The following CAP2 variants were observed in gnomAD, a reference collection of about 807,000 sequenced individuals.
CAP2 encodes cyclase associated actin cytoskeleton regulatory protein 2.
CAP2 carries 24 observed loss-of-function variants against 57.7 expected under a neutral mutation model. The ratio of observed to expected loss-of-function variants is 0.42; its 90% CI spans 0.30 to 0.58. The LOEUF (loss-of-function observed/expected upper bound fraction) is 0.58, where lower values mean the gene tolerates loss of function less well. Among genes scored for constraint, CAP2 ranks in the 20% least tolerant of loss-of-function variants. The pLI, the probability that CAP2 is intolerant of heterozygous loss-of-function variation, is 0.22. For missense variants in CAP2, 501 were observed against 590.3 expected (o/e 0.85, Z 1.57); for synonymous variants, 194 against 207.2 (o/e 0.94, Z 0.55).
At chr6:17,461,328 A>G (rs1293320343) in intron 3 of CAP2, among the ~76,000 whole-genome samples, 2 of 151,866 alleles carry the variant, frequency 1.3e-5, no homozygotes, top group Non-Finnish European at 2.9e-5. Context: ...CCAAGTTCAC[A>G]TGATTCTCCT....
intron 7 of CAP2, among the ~76,000 whole-genome samples, chr6:17,537,318 C>T (rs995635047): frequency 6.6e-6 from 1 of 152,078 alleles, no homozygotes; most frequent in Non-Finnish European, 1.5e-5. Flanking sequence ...TCCGCAGTAG[C>T]TGGGACTACA....
intron 4 of CAP2, among the ~76,000 whole-genome samples, chr6:17,464,762 A>G (rs144651372): frequency 1.0e-3 from 156 of 152,310 alleles, no homozygotes; most frequent in African/African-American, 3.5e-3. Flanking sequence ...CCATGGATGC[A>G]TTTTCCTCCT....
At chr6:17,444,842 AC>A (rs1368594093) in intron 3 of CAP2, among the ~76,000 whole-genome samples, 11 of 147,790 alleles carry the variant, frequency 7.4e-5, no homozygotes, top group Middle Eastern at 3.4e-3. Flanking sequence ...ACACACACAC[AC>A]AACACGAGTC....
Position 17,451,514 on chromosome 6 carries a change from C to CT in CAP2, c.223-11469dup, listed in dbSNP as rs879835307. 1.0e-3 allele frequency among the ~76,000 whole-genome samples: 150 copies of CT among 145,460 alleles called. 1 individual carries two copies. Among genetic ancestry groups the CT allele is most frequent in the Admixed American group, 1.0e-3 (15 of 14,482 alleles). On this transcript the variant is annotated intron_variant, in intron 3 of 12. Transcript: ENST00000229922. The stretch of plus-strand genomic sequence containing the variant: ...GCACATAGTAGGTATTCAGAAAATA[C>CT]TTTTTTTTTTTTTGAGACAGAGTCT...
At chr6:17,505,066 A>ATAT in intron 4 of CAP2, among the ~76,000 whole-genome samples, 1 of 152,266 alleles carries the variant, frequency 6.6e-6, no homozygotes, top group Non-Finnish European at 1.5e-5. Context: ...AATAATAATA[A>ATAT]TTACTTCTAT....
At position 17,444,639 on chromosome 6, in the gene CAP2, CAA is replaced by C. The variant is rs59730697; in HGVS notation, c.222+17967_222+17968del. Among the ~76,000 whole-genome samples, 187 of 89,992 alleles carry C rather than the reference CAA, an allele frequency of 2.1e-3. 1 individual carries two copies. The highest frequency in any genetic ancestry group is 7.4e-3 in the African/African-American group (174 of 23,612). 59.0% of individuals were successfully genotyped at this position (89,992 alleles called of 152,430 possible). On this transcript the variant is annotated intron_variant, in intron 3 of 12. Coordinates refer to ENST00000229922, the MANE Select transcript of CAP2 (RefSeq NM_006366.3). ...CTGGCGACAGAGCAAGACTCTGTCT[CAA>C]AAAAAAAAAAAAAAAAAGTCATCAT...
chr6:17,399,993 G>A (rs1216929687), intron 1 of CAP2, among the ~76,000 whole-genome samples: 3 of 152,004 alleles, frequency 2.0e-5, no homozygotes, highest in East Asian at 1.9e-4. Context: ...AGGCCAAGGC[G>A]GGTGATCACA....
chr6:17,526,956 C>CAA (rs1221212193), intron 7 of CAP2, among the ~76,000 whole-genome samples: 4,601 of 79,400 alleles, frequency 0.058, 320 homozygotes, highest in Middle Eastern at 0.1. Context: ...GACTCTGTCT[C>CAA]AAAAAAAAAA....
At chr6:17,501,866 T>G (rs1335794820) in intron 4 of CAP2, among the ~76,000 whole-genome samples, 1 of 152,190 alleles carries the variant, frequency 6.6e-6, no homozygotes, top group Non-Finnish European at 1.5e-5. Flanking sequence ...TTGGAAACGT[T>G]TGCTGAAAAC....
intron 7 of CAP2, among the ~76,000 whole-genome samples, chr6:17,538,512 T>C (rs1202348220): frequency 2.0e-5 from 3 of 152,204 alleles, no homozygotes; most frequent in African/African-American, 7.2e-5. Context: ...TCACGTCTTA[T>C]TGCCATTTGA....
intron 11 of CAP2, 139 bp downstream of exon 11, chr6:17,543,282 G>A (rs945567525): frequency 2.8e-6 from 2 of 703,348 alleles, no homozygotes; most frequent in Non-Finnish European, 2.5e-6. Context: ...CAACCACACT[G>A]TAAGCTGCGG....
intron 1 of CAP2, among the ~76,000 whole-genome samples, chr6:17,394,386 A>G (rs1413262770): frequency 6.6e-6 from 1 of 152,142 alleles, no homozygotes; most frequent in Non-Finnish European, 1.5e-5. Context: ...TCGTGGAAGT[A>G]GCCGCCGTAT....
intron 1 of CAP2, among the ~76,000 whole-genome samples, chr6:17,417,434 C>G: frequency 6.6e-6 from 1 of 151,906 alleles, no homozygotes. Flanking sequence ...TGCCACCACA[C>G]CCAGCTAATT....
intron 3 of CAP2, among the ~76,000 whole-genome samples, chr6:17,438,234 T>G (rs1283633283): frequency 6.8e-6 from 1 of 147,146 alleles, no homozygotes; most frequent in Non-Finnish European, 1.5e-5. Context: ...GGCGTGGAGG[T>G]GGGTGCCTGT....
intron 12 of CAP2, among the ~76,000 whole-genome samples, chr6:17,554,298 T>C (rs993452032): frequency 4.6e-5 from 7 of 152,158 alleles, no homozygotes; most frequent in African/African-American, 1.4e-4. Flanking sequence ...GTAGAAACAG[T>C]GTCCCTGAGG....
chr6:17,533,672 G>A (rs111736990), intron 7 of CAP2, among the ~76,000 whole-genome samples: 1 of 151,328 alleles, frequency 6.6e-6, no homozygotes, highest in Non-Finnish European at 1.5e-5. Context: ...GGGTTCAAGC[G>A]ATTCTCCTGC....
chr6:17,515,955 G>T (rs570876173), intron 7 of CAP2, among the ~76,000 whole-genome samples: 1 of 152,284 alleles, frequency 6.6e-6, no homozygotes, highest in African/African-American at 2.4e-5. Flanking sequence ...TGCTTGGATT[G>T]CACCAAATGA....
intron 4 of CAP2, among the ~76,000 whole-genome samples, chr6:17,480,501 C>T (rs1048266043): frequency 6.6e-6 from 1 of 152,084 alleles, no homozygotes; most frequent in Non-Finnish European, 1.5e-5. Flanking sequence ...GTAATAAGGG[C>T]ATTGTAATAA....
chr6:17,542,932 A>G lies in CAP2; in HGVS notation c.1098A>G (p.Ile366Met), dbSNP rs1216027006. 6.2e-7 allele frequency: 1 copy of G among 1,613,730 alleles called. No individual in the cohort carries two copies. Among genetic ancestry groups the G allele is most frequent in the East Asian group, 2.2e-5 (1 of 44,878 alleles). The change falls in exon 10 of 13, where the codon ATA becomes ATG. Residue 366 changes from isoleucine to methionine, a missense_variant. By Grantham distance (10) the Ile-to-Met change is conservative. Coordinates refer to ENST00000229922, the MANE Select transcript of CAP2 (RefSeq NM_006366.3). ...IFKCEKSTIQIKGKVNSIIID... is the reference protein window; with the variant it reads ...IFKCEKSTIQMKGKVNSIIID... The stretch of plus-strand genomic sequence containing the variant: ...AATGCGAAAAATCAACTATTCAGAT[A>G]AAAGGGAAAGTAAACTCCATTATAA...
Sources: gnomAD v4.1 joint callset for allele counts (sites outside exome capture counted in the v4.1 genomes callset) on GRCh38, gnomAD v4.1.1 for gene constraint, MANE v1.5 for transcripts, NCBI Gene and HGNC (gene_info 2026-07-23, HGNC 2026-07-21) for gene names.